SEMA3F: variants seen among roughly 807,000 people sequenced by gnomAD.
The protein encoded by SEMA3F is semaphorin-3F.
SEMA3F carries 30 observed loss-of-function variants against 98.5 expected under a neutral mutation model. The ratio of observed to expected loss-of-function variants is 0.30; its 90% CI spans 0.23 to 0.41. SEMA3F has a LOEUF of 0.41. Among genes scored for constraint, SEMA3F ranks in the 10% least tolerant of loss-of-function variants. The pLI is 1.00. For missense variants in SEMA3F, 866 were observed against 1,119.3 expected (o/e 0.77, Z 3.23); for synonymous variants, 380 against 444.8 (o/e 0.85, Z 1.83).
In SEMA3F at chr3:50,182,813, C is replaced by A. The variant is rs755293535; in HGVS notation, c.903+30C>A. ...GCATTGGCAGAGCCACCAGGCTGCC[C>A]CTTCCACCAGTTCTGGCTTCATCAG... On this transcript the variant is annotated intron_variant, in intron 9 of 18. Transcript: ENST00000002829. The surrounding 1 kb of genome is among the most constrained non-coding windows in gnomAD (Gnocchi z 4.5). 6.2e-7 allele frequency: 1 copy of A among 1,611,324 alleles called. No individual in the cohort carries two copies. The highest frequency in any genetic ancestry group is 2.2e-5 in the East Asian group (1 of 44,844).
At position 50,174,299 on chromosome 3, in the gene SEMA3F, A is replaced by C. The variant is rs756700602; in HGVS notation, c.405A>C (p.Thr135=). The change falls in exon 5 of 19, where the codon ACA becomes ACC. Residue 135 remains threonine, a synonymous_variant. Transcript: ENST00000002829. The part of the protein sequence containing the change: ...WNRTHLYVCG[T]GAYNPMCTYV... ...GAACACACCTGTATGTGTGCGGGAC[A>C]GGTGCCTACAACCCCATGTGCACCT... 1.9e-6 allele frequency: 3 copies of C among 1,613,396 alleles called. No individual in the cohort carries two copies. Among genetic ancestry groups the C allele is most frequent in the Non-Finnish European group, 2.5e-6 (3 of 1,179,922 alleles).
At chr3:50,157,185 C>T (rs1698018388) in intron 1 of SEMA3F, among the ~76,000 whole-genome samples, 1 of 151,908 alleles carries the variant, frequency 6.6e-6, no homozygotes, top group African/African-American at 2.4e-5. Context: ...CAAGCCTGGG[C>T]GGTCTGGATC....
chr3:50,171,326 C>T (rs1401895718), intron 2 of SEMA3F, among the ~76,000 whole-genome samples: 1 of 152,162 alleles, frequency 6.6e-6, no homozygotes, highest in Non-Finnish European at 1.5e-5. Context: ...GGGACTCGGA[C>T]TTGGGCCTCG....
chr3:50,188,191 A>G lies in SEMA3F; in HGVS notation c.*76A>G, dbSNP rs1699309422. The stretch of plus-strand genomic sequence containing the variant: ...ATATAAAAGATATATATATATATAT[A>G]TATATATAAAATATCTATATTCTAT... On this transcript the variant is annotated 3_prime_UTR_variant, in exon 19 of 19. Transcript: ENST00000002829. This position sits in a 1 kb window ranked among gnomAD's most constrained non-coding sequence, Gnocchi z 4.5. 2.2e-6 allele frequency: 1 copy of G among 458,098 alleles called. No individual in the cohort carries two copies. The highest frequency in any genetic ancestry group is 3.2e-6 in the Non-Finnish European group (1 of 308,510). 28.4% of individuals were successfully genotyped at this position (458,098 alleles called of 1,614,324 possible).
rs770157841 is a variant in SEMA3F at position 50,182,895 on chromosome 3, A to AC, written c.904-3dup. On this transcript the variant is annotated splice_polypyrimidine_tract_variant and intron_variant, in intron 9 of 18. Coordinates refer to ENST00000002829, the MANE Select transcript of SEMA3F (RefSeq NM_004186.5). The surrounding 1 kb of genome is among the most constrained non-coding windows in gnomAD (Gnocchi z 4.5). Reference sequence around the variant, plus strand: ...CTGATCTGACCCGGCCTCTTGCCCCACCCCCCAGAACGATGACGGTGGTCA... The same window carrying AC: ...CTGATCTGACCCGGCCTCTTGCCCCACCCCCCCAGAACGATGACGGTGGTCA... 10 of 1,613,148 alleles carry AC rather than the reference A, an allele frequency of 6.2e-6. No homozygotes were observed. The highest frequency in any genetic ancestry group is 1.7e-5 in the Admixed American group (1 of 59,986).
rs1697996201 is a variant in SEMA3F, at chr3:50,156,626, G to T, written c.-49+1062G>T. ...GCCCAGGGAGTTGGATGGAGCTGAG[G>T]CCTCTTCCCAGGCTACCCAAGGGGT... On this transcript the variant is annotated intron_variant, in intron 1 of 18. Coordinates refer to ENST00000002829, the MANE Select transcript of SEMA3F (RefSeq NM_004186.5). This position sits in a 1 kb window ranked among gnomAD's most constrained non-coding sequence, Gnocchi z 4.5. Among the ~76,000 whole-genome samples the T allele has an allele frequency of 6.6e-6, 1 of 152,204 alleles. No individual in the cohort carries two copies. The highest frequency in any genetic ancestry group is 2.1e-4 in the South Asian group (1 of 4,834).
chr3:50,178,485 C>G (rs1428552253), intron 7 of SEMA3F, among the ~76,000 whole-genome samples: 1 of 151,966 alleles, frequency 6.6e-6, no homozygotes, highest in African/African-American at 2.4e-5. Flanking sequence ...CTTTGGGAGG[C>G]TGAGGCGGGT....
At chr3:50,185,736 TG>T in intron 15 of SEMA3F, 29 bp downstream of exon 15, 1 of 1,613,920 alleles carries the variant, frequency 6.2e-7, no homozygotes, top group Non-Finnish European at 8.5e-7. Flanking sequence ...GAGCCAAGGT[TG>T]GGGACAGGGC....
At chr3:50,180,199 G>C (rs1467279582) in intron 7 of SEMA3F, among the ~76,000 whole-genome samples, 1 of 151,930 alleles carries the variant, frequency 6.6e-6, no homozygotes, top group Non-Finnish European at 1.5e-5. Context: ...CCCCAGGCTA[G>C]AGTGAAGTGG....
chr3:50,182,161 A>G lies in SEMA3F; in HGVS notation c.644-123A>G. 1 of 1,219,344 alleles carries G rather than the reference A, an allele frequency of 8.2e-7. No homozygotes were observed. Among genetic ancestry groups the G allele is most frequent in the Non-Finnish European group, 1.2e-6 (1 of 846,324 alleles). The allele number at this position is 1,219,344 out of a possible 1,614,324, so 75.5% of individuals were successfully genotyped here. A position where few individuals can be genotyped will look rare whatever the true frequency, so the allele number is the denominator to read the frequency against. ...GAAACACTGACCAGCACTCCACTGG[A>G]GATAGGATCATGCCCCAGGGAGCCT... On this transcript the variant is annotated intron_variant, in intron 7 of 18. Transcript: ENST00000002829. This position sits in a 1 kb window ranked among gnomAD's most constrained non-coding sequence, Gnocchi z 4.5.
At chr3:50,186,118 T>C in intron 16 of SEMA3F, 72 bp downstream of exon 16, 1 of 1,514,328 alleles carries the variant, frequency 6.6e-7, no homozygotes, top group Non-Finnish European at 9.0e-7. Context: ...TGGGGGTGCA[T>C]GTGATATTAC....
rs372964942 is a variant in SEMA3F at position 50,188,039 on chromosome 3, C to T, written c.2282C>T (p.Pro761Leu). Reference sequence around the variant, plus strand: ...GTGCCCCCCAGCCCCAGGGAGGCTCCAGGGGCACCCCGGTCTCCTGAGCCC... The same window carrying T: ...GTGCCCCCCAGCCCCAGGGAGGCTCTAGGGGCACCCCGGTCTCCTGAGCCC... ...RHVPPSPREA[P>L]GAPRSPEPQD... Residue 761 changes from proline (P) to leucine (L), a missense_variant, in exon 19 of 19, where the codon CCA becomes CTA. This residue lies in a region of SEMA3F where 245 missense variants were observed against 260.5 expected (regional missense o/e 0.94). Coordinates refer to ENST00000002829, the MANE Select transcript of SEMA3F (RefSeq NM_004186.5). This position sits in a 1 kb window ranked among gnomAD's most constrained non-coding sequence, Gnocchi z 4.5. The T allele has an allele frequency of 7.5e-6, 12 of 1,593,996 alleles. No individual in the cohort carries two copies. The highest frequency in any genetic ancestry group is 1.7e-4 in the Middle Eastern group (1 of 6,000).
chr3:50,157,078 G>T (rs1475455930), intron 1 of SEMA3F, among the ~76,000 whole-genome samples: 1 of 152,032 alleles, frequency 6.6e-6, no homozygotes, highest in Non-Finnish European at 1.5e-5. Flanking sequence ...TTCCCCTACG[G>T]CCCCTGTTCC....
chr3:50,176,877 C>G lies in SEMA3F; in HGVS notation c.643+16C>G. 1 of 1,594,408 alleles carries G rather than the reference C, an allele frequency of 6.3e-7. No homozygotes were observed. The highest frequency in any genetic ancestry group is 8.6e-7 in the Non-Finnish European group (1 of 1,162,544). On this transcript the variant is annotated intron_variant, in intron 7 of 18. Coordinates refer to ENST00000002829, the MANE Select transcript of SEMA3F (RefSeq NM_004186.5). ...GCCCTCATCAGTGAGTGCCCCCCAA[C>G]CCCGCTCTACAGTCTCAATGTGTGG...
Position 50,174,307 on chromosome 3 carries a change from A to T in SEMA3F, c.413A>T (p.Tyr138Phe). 6.2e-7 allele frequency: 1 copy of T among 1,613,282 alleles called. No homozygotes were observed. Among genetic ancestry groups the T allele is most frequent in the Non-Finnish European group, 8.5e-7 (1 of 1,179,892 alleles). The change falls in exon 5 of 19, where the codon TAC (tyrosine) becomes TTC (phenylalanine). Residue 138 changes from tyrosine to phenylalanine, a missense_variant. By Grantham distance (22) the Tyr-to-Phe change is conservative. Coordinates refer to ENST00000002829, the MANE Select transcript of SEMA3F (RefSeq NM_004186.5). ...CTGTATGTGTGCGGGACAGGTGCCT[A>T]CAACCCCATGTGCACCTATGTGAAC... is the stretch of plus-strand genomic sequence containing the variant. ...THLYVCGTGA[Y>F]NPMCTYVNRG...
At chr3:50,164,759 A>G (rs138720647) in intron 2 of SEMA3F, among the ~76,000 whole-genome samples, 4 of 152,374 alleles carry the variant, frequency 2.6e-5, no homozygotes, top group Non-Finnish European at 5.9e-5. Flanking sequence ...TGGAAGCAGC[A>G]TCATGAGGGC....
intron 17 of SEMA3F, 61 bp downstream of exon 17, chr3:50,186,409 C>T (rs1259306451): frequency 6.5e-6 from 10 of 1,542,882 alleles, no homozygotes; most frequent in South Asian, 1.1e-5. Context: ...ACGCAGCCCA[C>T]GAAGCTGCTC....
In SEMA3F at chr3:50,188,797, T is replaced by A. The variant is rs1350039287; in HGVS notation, c.*682T>A. The A allele has an allele frequency of 6.5e-6, 1 of 152,694 alleles. No individual in the cohort carries two copies. Among genetic ancestry groups the A allele is most frequent in the Non-Finnish European group, 1.5e-5 (1 of 68,120 alleles). 9.5% of individuals were successfully genotyped at this position (152,694 alleles called of 1,614,324 possible). On this transcript the variant is annotated 3_prime_UTR_variant, in exon 19 of 19. Transcript: ENST00000002829. The surrounding 1 kb of genome is among the most constrained non-coding windows in gnomAD (Gnocchi z 4.5). ...CCTCCTTAGCTTTCCCTGTGCCACTTTGACTCAGAGGCTGGGAGCATAGCA... is the reference window on the plus strand; with the variant it reads ...CCTCCTTAGCTTTCCCTGTGCCACTATGACTCAGAGGCTGGGAGCATAGCA...
rs1293448934 is a variant in SEMA3F at position 50,188,223 on chromosome 3, C to T, written c.*108C>T. The T allele has an allele frequency of 2.6e-6, 1 of 384,558 alleles. No individual in the cohort carries two copies. Among genetic ancestry groups the T allele is most frequent in the Non-Finnish European group, 3.9e-6 (1 of 253,190 alleles). The allele number at this position is 384,558 out of a possible 1,614,324, so 23.8% of individuals were successfully genotyped here. ...TAAAATATCTATATTCTATACACAC[C>T]CTGCCCCTGCAAAGACAGTATTTAT... On this transcript the variant is annotated 3_prime_UTR_variant, in exon 19 of 19. Transcript: ENST00000002829. The surrounding 1 kb of genome is among the most constrained non-coding windows in gnomAD (Gnocchi z 4.5).
Sources: allele counts gnomAD v4.1 joint callset (sites outside exome capture counted in the v4.1 genomes callset), GRCh38; gene constraint gnomAD v4.1.1; regional missense constraint gnomAD v4.1.1; non-coding constraint Gnocchi (gnomAD v3.1); transcripts MANE v1.5; gene names NCBI Gene and HGNC (gene_info 2026-07-23, HGNC 2026-07-21).